Variants in LRIG1 observed in about 807,000 individuals in gnomAD.
The protein encoded by LRIG1 is leucine rich repeats and immunoglobulin like domains 1, also known as leucine-rich repeats and immunoglobulin-like domains protein 1.
In LRIG1, 48 loss-of-function variants were observed where a neutral mutation model predicts 99.2. That is an observed-to-expected ratio of 0.48 (90% CI 0.38 to 0.62). LRIG1 has a LOEUF of 0.62. Among genes scored for constraint, LRIG1 ranks in the 20% least tolerant of loss-of-function variants. The pLI, the probability that LRIG1 is intolerant of heterozygous loss-of-function variation, is 0.00. For missense variants in LRIG1, 1,646 were observed against 1,434.4 expected, an observed-to-expected ratio of 1.15 and a Z score of -2.38; for synonymous variants, 772 against 596.1, an observed-to-expected ratio of 1.29 and a Z score of -4.30.
chr3:66,405,214 C>A lies in LRIG1; in HGVS notation c.1144G>T (p.Asp382Tyr). The A allele has an allele frequency of 6.2e-7, 1 of 1,614,124 alleles. No homozygotes were observed. The highest frequency in any genetic ancestry group is 8.5e-7 in the Non-Finnish European group (1 of 1,179,998). Reference protein sequence around the residue: ...EDTSGAFSGLDSLSKLTLFGN... With the variant: ...EDTSGAFSGLYSLSKLTLFGN... ...GATACTCACAGCTTGCTGAGGCTGT[C>A]GAGCCCTGAGAAGGCGCCGCTCGTG... Residue 382 changes from aspartate (D) to tyrosine (Y), a missense_variant, in exon 9 of 19, where the codon GAC (aspartate) becomes TAC (tyrosine). Coordinates refer to ENST00000273261, the MANE Select transcript of LRIG1 (RefSeq NM_015541.3).
intron 1 of LRIG1, among the ~76,000 whole-genome samples, chr3:66,492,393 T>C (rs1701120967): frequency 1.3e-5 from 2 of 152,200 alleles, no homozygotes; most frequent in African/African-American, 4.8e-5. Context: ...TAAAGGAGTC[T>C]TAGAAAATAA....
At chr3:66,440,499 G>C (rs547408785) in intron 3 of LRIG1, among the ~76,000 whole-genome samples, 3 of 152,168 alleles carry the variant, frequency 2.0e-5, no homozygotes, top group Non-Finnish European at 2.9e-5. Flanking sequence ...GCTTCAACTG[G>C]TTTATAGGAG....
In LRIG1 at chr3:66,394,090, G is replaced by A; in HGVS notation, c.1418C>T (p.Ser473Leu). 1.2e-6 allele frequency: 2 copies of A among 1,614,140 alleles called. No homozygotes were observed. Among genetic ancestry groups the A allele is most frequent in the Non-Finnish European group, 1.7e-6 (2 of 1,180,004 alleles). The change falls in exon 12 of 19, where the codon TCA (serine) becomes TTA (leucine). Residue 473 changes from serine (S) to leucine (L), a missense_variant. Ser to Leu is a moderately radical substitution (Grantham distance 145). Coordinates refer to ENST00000273261, the MANE Select transcript of LRIG1 (RefSeq NM_015541.3). ...FVTATCAHPE[S>L]LKGQSIFSVP... Reference sequence around the variant, plus strand: ...AGAGAAAATGCTCTGACCCTTCAGTGATTCTGGGTGGGCACAGGTGGCTGT... The same window carrying A: ...AGAGAAAATGCTCTGACCCTTCAGTAATTCTGGGTGGGCACAGGTGGCTGT...
intron 1 of LRIG1, among the ~76,000 whole-genome samples, chr3:66,466,246 T>C (rs1004709550): frequency 6.6e-6 from 1 of 152,084 alleles, no homozygotes; most frequent in Admixed American, 6.6e-5. Context: ...TCTCCCTATA[T>C]TGCCCAGGCT....
chr3:66,462,606 A>G (rs1700380052), intron 1 of LRIG1, 97 bp from the exon 2 acceptor site: 1 of 797,066 alleles, frequency 1.3e-6, no homozygotes, highest in Non-Finnish European at 2.1e-6. Context: ...CCACCCTCAA[A>G]TCCAAGCCCC....
At chr3:66,497,472 T>C (rs1701252642) in intron 1 of LRIG1, among the ~76,000 whole-genome samples, 2 of 152,252 alleles carry the variant, frequency 1.3e-5, no homozygotes, top group Non-Finnish European at 1.5e-5. Flanking sequence ...AATGTGCTAG[T>C]TGGACCATGC....
intron 1 of LRIG1, among the ~76,000 whole-genome samples, chr3:66,465,357 A>ATTTTT (rs59148647): frequency 1.6e-4 from 11 of 67,726 alleles, no homozygotes; most frequent in African/African-American, 4.9e-4. Context: ...TCTGAGCATA[A>ATTTTT]TTTTTTTTTT....
intron 1 of LRIG1, among the ~76,000 whole-genome samples, chr3:66,499,889 A>T (rs2106949313): frequency 9.9e-6 from 1 of 100,614 alleles, no homozygotes; most frequent in East Asian, 3.3e-4. Flanking sequence ...TCACCCCCAG[A>T]TGGCCCGCAC....
At chr3:66,463,916 T>A (rs1490938887) in intron 1 of LRIG1, among the ~76,000 whole-genome samples, 1 of 152,212 alleles carries the variant, frequency 6.6e-6, no homozygotes, top group Non-Finnish European at 1.5e-5. Flanking sequence ...TATTCATGGG[T>A]ACAGCCTGAA....
chr3:66,420,577 A>G (rs1416578229), intron 3 of LRIG1, among the ~76,000 whole-genome samples: 1 of 152,242 alleles, frequency 6.6e-6, no homozygotes, highest in Non-Finnish European at 1.5e-5. Flanking sequence ...TCAATGTTGT[A>G]TATACATGCA....
At chr3:66,400,248 T>G (rs1702004818) in intron 9 of LRIG1, among the ~76,000 whole-genome samples, 1 of 152,216 alleles carries the variant, frequency 6.6e-6, no homozygotes, top group African/African-American at 2.4e-5. Flanking sequence ...AAGGGAAGCT[T>G]GTCTCTCTGC....
chr3:66,401,745 C>T (rs893263947), intron 9 of LRIG1: 10 of 1,184,010 alleles, frequency 8.4e-6, no homozygotes, highest in South Asian at 4.7e-5. Context: ...GTACCACAGC[C>T]GGGCTCCCTT....
chr3:66,403,708 G>A (rs1195041760), intron 9 of LRIG1, among the ~76,000 whole-genome samples: 2 of 152,196 alleles, frequency 1.3e-5, no homozygotes, highest in Non-Finnish European at 2.9e-5. Flanking sequence ...CGGGCCTTCT[G>A]TATTGAGACA....
rs534878926 is a variant in LRIG1 at position 66,457,242 on chromosome 3, G to A, written c.290+5196C>T. Among the ~76,000 whole-genome samples, 3 of 152,302 alleles carry A rather than the reference G, an allele frequency of 2.0e-5. No individual in the cohort carries two copies. In the East Asian group the frequency reaches 5.8e-4, roughly 29 times the overall value. On this transcript the variant is annotated intron_variant, in intron 2 of 18. Coordinates refer to ENST00000273261, the MANE Select transcript of LRIG1 (RefSeq NM_015541.3). ...TTAATTTTGAAGCAGTAGCATGTCA[G>A]CTACGATTTTTTTTCTTTTCTTCAA...
At chr3:66,388,010 G>GGCAGGAGAATGGCATGAAC (rs1701461749) in intron 12 of LRIG1, 1 of 147,580 alleles carries the variant, frequency 6.8e-6, no homozygotes, top group East Asian at 2.0e-4. Context: ...GGGAGGCCGA[G>GGCAGGAGAATGGCATGAAC]GCAGGAGAAT....
chr3:66,379,079 A>AGTAACTCCCTTCAGCTTT lies in LRIG1; in HGVS notation c.*1166_*1183dup, dbSNP rs1700870094. 2.0e-5 allele frequency: 3 copies of AGTAACTCCCTTCAGCTTT among 152,668 alleles called. No homozygotes were observed. Among genetic ancestry groups the AGTAACTCCCTTCAGCTTT allele is most frequent in the Admixed American group, 1.3e-4 (2 of 15,280 alleles). The allele number at this position is 152,668 out of a possible 1,614,324, so 9.5% of individuals were successfully genotyped here. Reference sequence around the variant, plus strand: ...GACAGTAATTGTTAACTATTTTCTCAGTAACTCCCTTCAGCTTTTGGCCAA... The same window carrying AGTAACTCCCTTCAGCTTT: ...GACAGTAATTGTTAACTATTTTCTCAGTAACTCCCTTCAGCTTTGTAACTCCCTTCAGCTTTTGGCCAA... On this transcript the variant is annotated 3_prime_UTR_variant, in exon 19 of 19. Transcript: ENST00000273261.
At chr3:66,404,633 G>A (rs778818103) in intron 9 of LRIG1, among the ~76,000 whole-genome samples, 1 of 152,090 alleles carries the variant, frequency 6.6e-6, no homozygotes, top group Non-Finnish European at 1.5e-5. Flanking sequence ...CTGCCCTCAT[G>A]AGATCATTAG....
rs143967874 is a variant in LRIG1, at chr3:66,465,392, C to T, written c.219-2883G>A. ...TTTTTTTTTTTTTTTTGAGACGAGT[C>T]TTGCTCTGTCGCCCAGGCTGGAGTG... On this transcript the variant is annotated intron_variant, in intron 1 of 18. Coordinates refer to ENST00000273261, the MANE Select transcript of LRIG1 (RefSeq NM_015541.3). 9.3e-3 allele frequency among the ~76,000 whole-genome samples: 983 copies of T among 106,266 alleles called. 23 individuals carry two copies. The highest frequency in any genetic ancestry group is 0.035 in the African/African-American group (940 of 27,232). The allele number at this position is 106,266 out of a possible 152,430, so 69.7% of individuals were successfully genotyped here. A position where few individuals can be genotyped will look rare whatever the true frequency, so the allele number is the denominator to read the frequency against.
chr3:66,412,795 GCA>G (rs370941692), intron 6 of LRIG1, 74 bp downstream of exon 6: 568 of 1,465,940 alleles, frequency 3.9e-4, no homozygotes, highest in Admixed American at 4.9e-4. Context: ...ACATGCATGC[GCA>G]CACACACACA....
Sources: gnomAD v4.1 joint callset for allele counts (sites outside exome capture counted in the v4.1 genomes callset) on GRCh38, gnomAD v4.1.1 for gene constraint, MANE v1.5 for transcripts, NCBI Gene and HGNC (gene_info 2026-07-23, HGNC 2026-07-21) for gene names.